The following CDHR2 variants were observed in gnomAD, a reference collection of about 807,000 sequenced individuals.
CDHR2 encodes cadherin related family member 2, also known as cadherin-related family member 2.
A neutral mutation model predicts 138.6 loss-of-function variants in CDHR2; 104 were observed. The ratio of observed to expected loss-of-function variants is 0.75; its 90% confidence interval spans 0.64 to 0.88. The LOEUF (loss-of-function observed/expected upper bound fraction) is 0.88, where lower values mean the gene tolerates loss of function less well. Ranked by LOEUF, CDHR2 falls within the 40% of genes least tolerant of loss-of-function variation. The pLI is 0.00. For missense variants in CDHR2, 1,624 were observed against 1,727.6 expected (o/e 0.94, Z 1.06); for synonymous variants, 755 against 742.8 (o/e 1.02, Z -0.27).
At chr5:176,572,018 C>T (rs1758246791) in intron 6 of CDHR2, among the ~76,000 whole-genome samples, 1 of 152,056 alleles carries the variant, frequency 6.6e-6, no homozygotes, top group African/African-American at 2.4e-5. Flanking sequence ...GAGTTTCTCT[C>T]CTCCTCTCAG....
chr5:176,584,252 G>C lies in CDHR2; in HGVS notation c.2121G>C (p.Glu707Asp), dbSNP rs1277201357. The C allele has an allele frequency of 6.2e-7, 1 of 1,613,974 alleles. No individual in the cohort carries two copies. ...QSSYNFTVKE[E>D]DPGVLVGVVK... ...GCTACAACTTTACGGTGAAGGAGGA[G>C]GATCCAGGTATGTGCTCCCTGGGCC... The change falls in exon 18 of 32, where the codon GAG becomes GAC. Residue 707 changes from glutamate to aspartate, a missense_variant. This residue lies in a region of CDHR2 where 1,061 missense variants were observed against 1,136.6 expected (regional missense o/e 0.93). Coordinates refer to ENST00000261944, the MANE Select transcript of CDHR2 (RefSeq NM_017675.6).
chr5:176,594,089 G>T (rs934072037), intron 31 of CDHR2, among the ~76,000 whole-genome samples: 3 of 152,222 alleles, frequency 2.0e-5, no homozygotes, highest in African/African-American at 7.2e-5. Flanking sequence ...ACCCCCTGAG[G>T]TGTGGCTGGA....
At chr5:176,572,407 A>T (rs1422273715) in intron 6 of CDHR2, among the ~76,000 whole-genome samples, 2 of 151,714 alleles carry the variant, frequency 1.3e-5, no homozygotes, top group East Asian at 3.9e-4. Context: ...ATAAATAAAT[A>T]AATAAATAAT....
chr5:176,569,334 A>G (rs1758167346), intron 5 of CDHR2, among the ~76,000 whole-genome samples: 1 of 146,500 alleles, frequency 6.8e-6, no homozygotes, highest in Non-Finnish European at 1.5e-5. Context: ...CCCAGGCTGG[A>G]GTGCAGTGGC....
upstream of CDHR2, among the ~76,000 whole-genome samples, chr5:176,549,117 G>T (rs1757648552): frequency 6.6e-6 from 1 of 152,140 alleles, no homozygotes; most frequent in Non-Finnish European, 1.5e-5. Context: ...AGGTCCTCTG[G>T]GCTCAGGGTC....
chr5:176,595,402 G>A, intron 31 of CDHR2, 130 bp from the exon 32 acceptor site: 2 of 1,029,994 alleles, frequency 1.9e-6, no homozygotes, highest in Admixed American at 2.7e-5. Flanking sequence ...AGAGGCCCCA[G>A]GAGGGGCAGG....
intron 19 of CDHR2, among the ~76,000 whole-genome samples, 165 bp downstream of exon 19, chr5:176,585,180 C>T (rs936719056): frequency 6.6e-6 from 1 of 152,236 alleles, no homozygotes; most frequent in African/African-American, 2.4e-5. Context: ...TCAGTTTCCC[C>T]ATCTGTCCAG....
intron 1 of CDHR2, among the ~76,000 whole-genome samples, chr5:176,550,675 C>T (rs756895802): frequency 1.3e-5 from 2 of 152,184 alleles, no homozygotes; most frequent in Non-Finnish European, 1.5e-5. Context: ...GCGAGCTGGC[C>T]GTGTAGCGGT....
chr5:176,552,388 G>A (rs1757725782), intron 1 of CDHR2, among the ~76,000 whole-genome samples: 1 of 152,242 alleles, frequency 6.6e-6, no homozygotes. Context: ...GCAGGGTGTG[G>A]ACCGAGAACA....
intron 1 of CDHR2, among the ~76,000 whole-genome samples, chr5:176,554,651 GT>G (rs1757780966): frequency 6.6e-6 from 1 of 151,878 alleles, no homozygotes; most frequent in Non-Finnish European, 1.5e-5. Context: ...AGGGTTTTTT[GT>G]TTTTGTTTTT....
rs1305171348 is a variant in CDHR2 at position 176,590,667 on chromosome 5, C to T, written c.3519C>T (p.Ala1173=). 5 of 1,613,592 alleles carry T rather than the reference C, an allele frequency of 3.1e-6. No individual in the cohort carries two copies. Among genetic ancestry groups the T allele is most frequent in the Non-Finnish European group, 4.2e-6 (5 of 1,180,006 alleles). ...TGGTCCTTGTGATCATGACCATGGC[C>T]TTCGTGTGTGTGCGGAAGAGGTGCG... ...LLLVLVIMTM[A]FVCVRKSYNR... is the part of the protein sequence containing the mutation. The change falls in exon 28 of 32, where the codon GCC becomes GCT. Residue 1173 remains alanine, a synonymous_variant. Transcript: ENST00000261944.
intron 21 of CDHR2, among the ~76,000 whole-genome samples, chr5:176,588,627 T>C (rs533561831): frequency 1.3e-5 from 1 of 74,744 alleles, no homozygotes; most frequent in Non-Finnish European, 3.1e-5. Context: ...AAGTGTGTGT[T>C]AGGGTGAGAC....
chr5:176,581,474 A>T lies in CDHR2; in HGVS notation c.1950A>T (p.Arg650Ser). The change falls in exon 17 of 32, where the codon AGA (arginine) becomes AGT (serine). Residue 650 changes from arginine to serine, a missense_variant. By Grantham distance (110) the Arg-to-Ser change is moderately radical. Coordinates refer to ENST00000261944, the MANE Select transcript of CDHR2 (RefSeq NM_017675.6). The stretch of plus-strand genomic sequence containing the variant: ...TCAGAAACCTGGGGCCCCTGGACAG[A>T]GAGGCCATCGACCCCGCCCTGGAGG... ...GLLRNLGPLD[R>S]EAIDPALEGR... 1 of 1,614,186 alleles carries T rather than the reference A, an allele frequency of 6.2e-7. No homozygotes were observed. Among genetic ancestry groups the T allele is most frequent in the Non-Finnish European group, 8.5e-7 (1 of 1,180,038 alleles).
chr5:176,593,421 TG>T (rs1414161177), intron 31 of CDHR2, among the ~76,000 whole-genome samples: 1 of 152,130 alleles, frequency 6.6e-6, no homozygotes, highest in Non-Finnish European at 1.5e-5. Context: ...GGCATGGACC[TG>T]TTGTAAAAGC....
chr5:176,560,479 T>G (rs1425608536), intron 1 of CDHR2, among the ~76,000 whole-genome samples: 1 of 152,034 alleles, frequency 6.6e-6, no homozygotes, highest in East Asian at 1.9e-4. Context: ...ATAGTCCTCA[T>G]CTCTTGCAGG....
At chr5:176,568,649 A>G (rs1165792287) in intron 3 of CDHR2, 29 bp from the exon 4 acceptor site, 1 of 1,611,396 alleles carries the variant, frequency 6.2e-7, no homozygotes, top group Non-Finnish European at 8.5e-7. Flanking sequence ...GTGGCTGTGG[A>G]CCCTGGGTGG....
In CDHR2 at chr5:176,578,488, G is replaced by C. The variant is rs766071422; in HGVS notation, c.1698G>C (p.Leu566=). 6.8e-6 allele frequency: 11 copies of C among 1,613,844 alleles called. No individual in the cohort carries two copies. Reference sequence around the variant, plus strand: ...TGCAGGCCACAGACGGCGGGAACCTGTCCTCCTCCACCACACTGCAGATCC... The same window carrying C: ...TGCAGGCCACAGACGGCGGGAACCTCTCCTCCTCCACCACACTGCAGATCC... ...LTLQATDGGN[L]SSSTTLQIHL... Residue 566 remains leucine (L), a synonymous_variant, in exon 16 of 32, where the codon CTG becomes CTC. Coordinates refer to ENST00000261944, the MANE Select transcript of CDHR2 (RefSeq NM_017675.6).
chr5:176,557,936 G>T (rs1490933358), intron 1 of CDHR2, among the ~76,000 whole-genome samples: 1 of 151,760 alleles, frequency 6.6e-6, no homozygotes, highest in Non-Finnish European at 1.5e-5. Context: ...TCAAACTCCA[G>T]ACCGCGTGAT....
In CDHR2 at chr5:176,576,301, T is replaced by C. The variant is rs2113299601; in HGVS notation, c.1194+116T>C. 1 of 791,754 alleles carries C rather than the reference T, an allele frequency of 1.3e-6. No homozygotes were observed. Among genetic ancestry groups the C allele is most frequent in the East Asian group, 2.7e-5 (1 of 37,556 alleles). The allele number at this position is 791,754 out of a possible 1,614,324, so 49.0% of individuals were successfully genotyped here. A position where few individuals can be genotyped will look rare whatever the true frequency, so the allele number is the denominator to read the frequency against. On this transcript the variant is annotated intron_variant, in intron 12 of 31. Coordinates refer to ENST00000261944, the MANE Select transcript of CDHR2 (RefSeq NM_017675.6). This position sits in a 1 kb window ranked among gnomAD's most constrained non-coding sequence, Gnocchi z 4.5. Reference sequence around the variant, plus strand: ...GCGGTGCTGGTGGTGCAGGGTGTGATGGCGGAGAATGGGGGTGCTGGGTGC... The same window carrying C: ...GCGGTGCTGGTGGTGCAGGGTGTGACGGCGGAGAATGGGGGTGCTGGGTGC...
Sources: gnomAD v4.1 joint callset for allele counts (sites outside exome capture counted in the v4.1 genomes callset) on GRCh38, gnomAD v4.1.1 for gene constraint, gnomAD v4.1.1 regional missense constraint, Gnocchi (gnomAD v3.1) non-coding constraint, MANE v1.5 for transcripts, NCBI Gene and HGNC (gene_info 2026-07-23, HGNC 2026-07-21) for gene names.